TBC1D22A: variants seen among roughly 807,000 people sequenced by gnomAD.
TBC1D22A encodes the protein TBC1 domain family member 22A.
In TBC1D22A, 38 loss-of-function variants were observed where a neutral mutation model predicts 60.2. The observed-to-expected ratio is 0.63, with a 90% confidence interval of 0.49 to 0.83. The LOEUF is 0.83. TBC1D22A is among the 40% of genes least tolerant of loss of function. The pLI is 0.00. For synonymous variants in TBC1D22A, 302 were observed against 281.7 expected (o/e 1.07, Z -0.72); for missense variants, 628 against 701.0 (o/e 0.90, Z 1.18).
chr22:46,982,089 G>T (rs1453456551), intron 9 of TBC1D22A, among the ~76,000 whole-genome samples: 2 of 152,204 alleles, frequency 1.3e-5, no homozygotes, highest in East Asian at 3.9e-4. Context: ...GTGTGGGCTG[G>T]AGCTTGAGGC....
chr22:46,830,648 G>A (rs2086269199), intron 4 of TBC1D22A, among the ~76,000 whole-genome samples: 1 of 152,188 alleles, frequency 6.6e-6, no homozygotes, highest in African/African-American at 2.4e-5. Context: ...AACATCAATG[G>A]GCAGGAATGT....
intron 12 of TBC1D22A, among the ~76,000 whole-genome samples, chr22:47,129,951 G>A (rs1392358347): frequency 6.6e-6 from 1 of 152,188 alleles, no homozygotes; most frequent in Non-Finnish European, 1.5e-5. Context: ...GCGGAAGAGG[G>A]AAGCTGAGAA....
At chr22:47,052,275 G>A (rs909727632) in intron 11 of TBC1D22A, among the ~76,000 whole-genome samples, 4 of 152,240 alleles carry the variant, frequency 2.6e-5, no homozygotes, top group Admixed American at 6.5e-5. Context: ...TCCAGAGGCC[G>A]GGCCAGCGCC....
chr22:46,941,825 A>ATG (rs1569249830), intron 8 of TBC1D22A, among the ~76,000 whole-genome samples: 4 of 97,972 alleles, frequency 4.1e-5, no homozygotes, highest in East Asian at 5.3e-4. Flanking sequence ...TATATAGAAT[A>ATG]TATAGAATAA....
chr22:47,047,637 T>TA (rs1481581671), intron 11 of TBC1D22A, among the ~76,000 whole-genome samples: 2 of 152,152 alleles, frequency 1.3e-5, no homozygotes, highest in Admixed American at 1.3e-4. Context: ...GCCCCACCAG[T>TA]GATGGTGACC....
intron 8 of TBC1D22A, among the ~76,000 whole-genome samples, chr22:46,942,713 G>T (rs2072249753): frequency 6.6e-6 from 1 of 152,118 alleles, no homozygotes; most frequent in Non-Finnish European, 1.5e-5. Context: ...CAGTCACGTC[G>T]CCAGGCCTCC....
chr22:46,828,458 C>A (rs1380645726), intron 4 of TBC1D22A, among the ~76,000 whole-genome samples: 1 of 152,250 alleles, frequency 6.6e-6, no homozygotes, highest in Non-Finnish European at 1.5e-5. Flanking sequence ...TTGTCTGTTG[C>A]ATTTCTCTAC....
At chr22:46,842,626 A>G (rs986055787) in intron 4 of TBC1D22A, among the ~76,000 whole-genome samples, 2 of 152,238 alleles carry the variant, frequency 1.3e-5, no homozygotes, top group African/African-American at 4.8e-5. Flanking sequence ...GCAGCACAAA[A>G]ATCAGTGGGA....
At chr22:46,924,479 G>A (rs147613234) in intron 8 of TBC1D22A, among the ~76,000 whole-genome samples, 157 of 152,234 alleles carry the variant, frequency 1.0e-3, no homozygotes, top group Non-Finnish European at 1.8e-3. Flanking sequence ...TTATTTTGCC[G>A]GGTGCGGTGG....
intron 4 of TBC1D22A, among the ~76,000 whole-genome samples, chr22:46,807,062 C>A (rs2085176101): frequency 6.6e-6 from 1 of 152,366 alleles, no homozygotes; most frequent in African/African-American, 2.4e-5. Context: ...TCCTGCTCAA[C>A]CGCAGATTCT....
At chr22:46,931,546 A>G (rs1404898229) in intron 8 of TBC1D22A, among the ~76,000 whole-genome samples, 1 of 152,242 alleles carries the variant, frequency 6.6e-6, no homozygotes, top group East Asian at 1.9e-4. Context: ...CACCTTTGAA[A>G]ACTCTTAAGA....
intron 10 of TBC1D22A, among the ~76,000 whole-genome samples, chr22:47,007,562 C>T (rs938489424): frequency 6.6e-6 from 1 of 152,166 alleles, no homozygotes; most frequent in Non-Finnish European, 1.5e-5. Context: ...GTTTTGGATG[C>T]CACAAGTCCA....
chr22:47,012,818 A>G (rs2061793266), intron 10 of TBC1D22A, among the ~76,000 whole-genome samples: 1 of 152,180 alleles, frequency 6.6e-6, no homozygotes, highest in South Asian at 2.1e-4. Flanking sequence ...CGCGGAGGAC[A>G]TTCTGCCCTA....
intron 4 of TBC1D22A, among the ~76,000 whole-genome samples, chr22:46,869,008 G>T (rs1192336604): frequency 2.6e-5 from 4 of 152,166 alleles, no homozygotes; most frequent in African/African-American, 4.8e-5. Flanking sequence ...TCAGTTGGCC[G>T]CTCCGTGTTG....
At chr22:46,949,196 C>T (rs1327186546) in intron 8 of TBC1D22A, among the ~76,000 whole-genome samples, 1 of 152,182 alleles carries the variant, frequency 6.6e-6, no homozygotes, top group Non-Finnish European at 1.5e-5. Flanking sequence ...ACCTGACCCT[C>T]AAAGAAGACG....
intron 11 of TBC1D22A, among the ~76,000 whole-genome samples, chr22:47,057,947 G>A (rs2063450911): frequency 6.6e-6 from 1 of 152,196 alleles, no homozygotes; most frequent in African/African-American, 2.4e-5. Flanking sequence ...TGAAGATCCT[G>A]GGCTTGTGGT....
At chr22:46,886,410 G>A (rs2068120413) in intron 5 of TBC1D22A, among the ~76,000 whole-genome samples, 1 of 152,198 alleles carries the variant, frequency 6.6e-6, no homozygotes, top group Non-Finnish European at 1.5e-5. Context: ...GTTTTCTGGA[G>A]AGAGTGTTCT....
intron 1 of TBC1D22A, among the ~76,000 whole-genome samples, chr22:46,790,289 G>T (rs567812947): frequency 6.6e-6 from 1 of 152,184 alleles, no homozygotes; most frequent in Non-Finnish European, 1.5e-5. Context: ...GACCTTCCGC[G>T]GTCTCTTCTG....
At chr22:46,961,467 T>G (rs2073501250) in intron 8 of TBC1D22A, among the ~76,000 whole-genome samples, 1 of 152,198 alleles carries the variant, frequency 6.6e-6, no homozygotes, top group South Asian at 2.1e-4. Context: ...TCCAGACATT[T>G]CTGAGACCAT....
Sources: gnomAD v4.1 joint callset for allele counts (sites outside exome capture counted in the v4.1 genomes callset) on GRCh38, gnomAD v4.1.1 for gene constraint, MANE v1.5 for transcripts, NCBI Gene and HGNC (gene_info 2026-07-23, HGNC 2026-07-21) for gene names.